The following TTC12 variants were observed in gnomAD, a reference collection of about 807,000 sequenced individuals.
TTC12 encodes the protein tetratricopeptide repeat domain 12.
Under a neutral mutation model 90.1 loss-of-function variants are expected in TTC12, and 70 were observed. The ratio of observed to expected loss-of-function variants is 0.78; its 90% CI spans 0.64 to 0.95. The LOEUF (loss-of-function observed/expected upper bound fraction) is 0.95, where lower values mean the gene tolerates loss of function less well. TTC12 is among the 40% of genes least tolerant of loss of function. The pLI, the probability that TTC12 is intolerant of heterozygous loss-of-function variation, is 0.00. For missense variants in TTC12, 819 were observed against 846.1 expected (o/e 0.97, Z 0.40); for synonymous variants, 296 against 311.5 (o/e 0.95, Z 0.53).
chr11:113,351,643 G>A (rs782072739), intron 15 of TTC12, among the ~76,000 whole-genome samples: 10 of 152,262 alleles, frequency 6.6e-5, no homozygotes, highest in Non-Finnish European at 1.0e-4. Context: ...AGGAAGACCA[G>A]TGTAGCAATT....
intron 8 of TTC12, among the ~76,000 whole-genome samples, chr11:113,336,666 A>C (rs1173413387): frequency 6.6e-6 from 1 of 152,152 alleles, no homozygotes; most frequent in East Asian, 1.9e-4. Context: ...TTGACCATAA[A>C]TATATGGGTT....
At chr11:113,353,133 T>A (rs1949409369) in intron 16 of TTC12, among the ~76,000 whole-genome samples, 1 of 152,206 alleles carries the variant, frequency 6.6e-6, no homozygotes, top group South Asian at 2.1e-4. Flanking sequence ...CCAGCATCTG[T>A]TATTTTTTGA....
chr11:113,352,239 T>A, intron 16 of TTC12, 32 bp downstream of exon 16: 1 of 1,613,958 alleles, frequency 6.2e-7, no homozygotes, highest in Non-Finnish European at 8.5e-7. Context: ...AAATTGGTCT[T>A]TATCCTCTTT....
intron 6 of TTC12, 108 bp from the exon 7 acceptor site, chr11:113,329,811 AG>A: frequency 1.1e-6 from 1 of 897,924 alleles, no homozygotes; most frequent in Non-Finnish European, 1.9e-6. Context: ...TGATCCAGGT[AG>A]GGGATAGTTC....
intron 16 of TTC12, 51 bp from the exon 17 acceptor site, chr11:113,359,312 A>G (rs1256708353): frequency 2.4e-6 from 3 of 1,255,726 alleles, no homozygotes; most frequent in African/African-American, 1.5e-5. Context: ...AGATGACCAT[A>G]AAAAGCTGTA....
chr11:113,350,715 G>A (rs1555149882), intron 14 of TTC12, among the ~76,000 whole-genome samples: 1 of 152,184 alleles, frequency 6.6e-6, no homozygotes, highest in Non-Finnish European at 1.5e-5. Context: ...AGTGCATCTT[G>A]TGTTTTAAAT....
chr11:113,366,047 TCTTA>T (rs748161198), intron 21 of TTC12, among the ~76,000 whole-genome samples, 174 bp from the exon 22 acceptor site: 54 of 152,172 alleles, frequency 3.5e-4, no homozygotes, highest in Non-Finnish European at 5.9e-4. Context: ...TCCCTGAGGG[TCTTA>T]CTTACCCCTG....
intron 18 of TTC12, 120 bp from the exon 19 acceptor site, chr11:113,362,281 T>G (rs782626662): frequency 9.7e-5 from 66 of 680,886 alleles, no homozygotes; most frequent in Non-Finnish European, 1.5e-4. Flanking sequence ...CCATCATATT[T>G]TTTATATTTT....
At chr11:113,340,194 A>C (rs1948605090) in intron 10 of TTC12, among the ~76,000 whole-genome samples, 1 of 152,264 alleles carries the variant, frequency 6.6e-6, no homozygotes, top group Admixed American at 6.5e-5. Flanking sequence ...GTTTGTACAA[A>C]TAGATGGAGT....
At chr11:113,324,952 T>G (rs1276599960) in intron 5 of TTC12, among the ~76,000 whole-genome samples, 1 of 152,126 alleles carries the variant, frequency 6.6e-6, no homozygotes, top group Admixed American at 6.5e-5. Flanking sequence ...TGAATTGTAC[T>G]AAACAATGCT....
downstream of TTC12, chr11:113,368,197 G>C (rs1244011816): frequency 3.8e-5 from 56 of 1,475,276 alleles, no homozygotes; most frequent in Non-Finnish European, 5.0e-5. Flanking sequence ...AGTGCCTGCC[G>C]AGAGCAGTCA....
chr11:113,321,497 T>C (rs1555138439), intron 2 of TTC12, among the ~76,000 whole-genome samples: 2 of 152,194 alleles, frequency 1.3e-5, no homozygotes, highest in Non-Finnish European at 2.9e-5. Flanking sequence ...CAAGAACACA[T>C]CTCTAAAGCA....
intron 10 of TTC12, 126 bp downstream of exon 10, chr11:113,339,600 A>C: frequency 1.1e-6 from 1 of 876,096 alleles, no homozygotes; most frequent in Non-Finnish European, 1.7e-6. Flanking sequence ...GATATACGCT[A>C]ATGTAGCTGC....
chr11:113,363,191 G>A (rs1255421527), intron 19 of TTC12, among the ~76,000 whole-genome samples: 2 of 152,182 alleles, frequency 1.3e-5, no homozygotes, highest in Non-Finnish European at 2.9e-5. Flanking sequence ...CTAGGGCAGG[G>A]GTGACACTGA....
At position 113,351,262 on chromosome 11, in the gene TTC12, A is replaced by G. The variant is rs782029311; in HGVS notation, c.1271A>G (p.Asn424Ser). Residue 424 changes from asparagine to serine, a missense_variant, in exon 15 of 22, where the codon AAC becomes AGC. Asn to Ser is a conservative substitution (Grantham distance 46, BLOSUM62 1). Coordinates refer to ENST00000529221, the MANE Select transcript of TTC12 (RefSeq NM_017868.4). ...EERFQVWFQANLPGVLPALTG... is the reference protein window; with the variant it reads ...EERFQVWFQASLPGVLPALTG... ...AGATTCCAAGTCTGGTTCCAGGCCA[A>G]CCTTCCAGGTGTTCTCCCTGCACTC... The G allele has an allele frequency of 6.3e-5, 102 of 1,614,036 alleles. No individual in the cohort carries two copies. The highest frequency in any genetic ancestry group is 7.9e-5 in the Non-Finnish European group (93 of 1,180,002).
chr11:113,328,689 A>G (rs1330631430), intron 6 of TTC12, among the ~76,000 whole-genome samples: 1 of 152,200 alleles, frequency 6.6e-6, no homozygotes. Context: ...GAATTTTAGT[A>G]TAATCACAGA....
At chr11:113,333,245 C>G (rs1555143029) in intron 7 of TTC12, among the ~76,000 whole-genome samples, 2 of 152,064 alleles carry the variant, frequency 1.3e-5, no homozygotes, top group African/African-American at 4.8e-5. Context: ...GCCCCTCGAT[C>G]CCAGCTGGAC....
intron 2 of TTC12, among the ~76,000 whole-genome samples, chr11:113,320,490 A>G (rs1010585241): frequency 2.0e-5 from 3 of 152,254 alleles, no homozygotes; most frequent in East Asian, 3.9e-4. Flanking sequence ...CTCCAGGGGA[A>G]GATCATCTTT....
intron 6 of TTC12, chr11:113,329,520 GTATT>G (rs1947897099): frequency 2.2e-6 from 1 of 452,574 alleles, no homozygotes; most frequent in Non-Finnish European, 4.4e-6. Flanking sequence ...TGAGATTGGG[GTATT>G]TATTCTCCTG....
Sources: allele counts gnomAD v4.1 joint callset (sites outside exome capture counted in the v4.1 genomes callset), GRCh38; gene constraint gnomAD v4.1.1; transcripts MANE v1.5; gene names NCBI Gene and HGNC (gene_info 2026-07-23, HGNC 2026-07-21).